EFCAB7: variants seen among roughly 807,000 people sequenced by gnomAD.
EFCAB7 encodes EF-hand calcium-binding domain-containing protein 7.
Under a neutral mutation model 77.1 loss-of-function variants are expected in EFCAB7, and 66 were observed. That is an observed-to-expected ratio of 0.86 (90% CI 0.70 to 1.05). The LOEUF (loss-of-function observed/expected upper bound fraction) is 1.05, where lower values mean the gene tolerates loss of function less well. EFCAB7 is among the 50% of genes least tolerant of loss of function. The pLI is 0.00. For synonymous variants in EFCAB7, 225 were observed against 243.3 expected, an observed-to-expected ratio of 0.92 and a Z score of 0.70; for missense variants, 638 against 730.5, an observed-to-expected ratio of 0.87 and a Z score of 1.46.
intron 5 of EFCAB7, among the ~76,000 whole-genome samples, 167 bp downstream of exon 5, chr1:63,533,816 T>C (rs1570387572): frequency 6.6e-6 from 1 of 152,152 alleles, no homozygotes. Context: ...TGAAGTAAAA[T>C]TTTATTATGG....
chr1:63,550,591 A>G (rs1646952490), intron 7 of EFCAB7: 2 of 151,986 alleles, frequency 1.3e-5, no homozygotes, highest in Admixed American at 6.6e-5. Context: ...GAATTGTGAA[A>G]ATGTTAATGT....
At chr1:63,540,199 C>G (rs996094908) in intron 6 of EFCAB7, among the ~76,000 whole-genome samples, 5 of 151,784 alleles carry the variant, frequency 3.3e-5, no homozygotes, top group African/African-American at 1.2e-4. Context: ...CCCATCTCTA[C>G]TAAAAATACA....
intron 11 of EFCAB7, 74 bp from the exon 12 acceptor site, chr1:63,568,236 T>G: frequency 7.7e-7 from 1 of 1,305,414 alleles, no homozygotes; most frequent in Admixed American, 2.5e-5. Flanking sequence ...GCATATCTTC[T>G]TATATGGTAA....
At chr1:63,535,537 G>A (rs2100878162) in intron 6 of EFCAB7, among the ~76,000 whole-genome samples, 1 of 151,984 alleles carries the variant, frequency 6.6e-6, no homozygotes, top group East Asian at 1.9e-4. Context: ...GATCTACCTG[G>A]GCTTGAATCT....
chr1:63,536,893 A>T (rs562650045), intron 6 of EFCAB7: 1 of 152,316 alleles, frequency 6.6e-6, no homozygotes, highest in South Asian at 2.1e-4. Flanking sequence ...TTAATTTTCC[A>T]GATACTTTAA....
At chr1:63,531,183 T>C (rs1282673733) in intron 2 of EFCAB7, among the ~76,000 whole-genome samples, 2 of 152,104 alleles carry the variant, frequency 1.3e-5, no homozygotes, top group East Asian at 3.9e-4. Context: ...TAGATAGTAC[T>C]TAAGTTCCCC....
chr1:63,552,752 A>G (rs1336360659), intron 8 of EFCAB7, among the ~76,000 whole-genome samples: 1 of 152,222 alleles, frequency 6.6e-6, no homozygotes, highest in African/African-American at 2.4e-5. Flanking sequence ...TTTAATCTTT[A>G]TATAGGCTCA....
At chr1:63,530,803 G>A (rs1159099176) in intron 2 of EFCAB7, among the ~76,000 whole-genome samples, 3 of 152,138 alleles carry the variant, frequency 2.0e-5, no homozygotes, top group Admixed American at 1.3e-4. Flanking sequence ...GAACATTTTA[G>A]ATATCGTGCC....
At position 63,561,816 on chromosome 1, in the gene EFCAB7, C is replaced by T; in HGVS notation, c.1456C>T (p.Leu486=). Residue 486 remains leucine, a synonymous_variant, in exon 11 of 14, where the codon CTA becomes TTA. Transcript: ENST00000371088. ...AGATCCTTGTGACCTTTGGGTAACT[C>T]TACACTCTATGGGCTACAATAAAGC... is the stretch of plus-strand genomic sequence containing the variant. The part of the protein sequence containing the change: ...EGDPCDLWVT[L]HSMGYNKALE... 6.2e-7 allele frequency: 1 copy of T among 1,606,622 alleles called. No individual in the cohort carries two copies.
chr1:63,550,864 GA>G (rs34631540), intron 7 of EFCAB7, among the ~76,000 whole-genome samples: 22,672 of 152,042 alleles, frequency 0.15, 2,197 homozygotes, highest in South Asian at 0.22. Context: ...AAGATTCCAA[GA>G]TTTTTGACCT....
At chr1:63,578,899 T>C in the EFCAB7 span, among the ~76,000 whole-genome samples, 1 of 152,180 alleles carries the variant, frequency 6.6e-6, no homozygotes, top group African/African-American at 2.4e-5. Context: ...AGTATTACAG[T>C]CTGTACCTGT....
At chr1:63,538,181 T>C (rs900276637) in intron 6 of EFCAB7, among the ~76,000 whole-genome samples, 5 of 152,188 alleles carry the variant, frequency 3.3e-5, no homozygotes, top group African/African-American at 1.2e-4. Context: ...CAAGCTATTA[T>C]TTTATTTCTG....
At chr1:63,543,837 T>A (rs757887083) in intron 6 of EFCAB7, among the ~76,000 whole-genome samples, 37 of 152,222 alleles carry the variant, frequency 2.4e-4, no homozygotes, top group Non-Finnish European at 4.1e-4. Flanking sequence ...AGCCTACTAA[T>A]AAAGTGAAAA....
Position 63,533,432 on chromosome 1 carries a change from C to T in EFCAB7, c.487-22C>T, listed in dbSNP as rs186494386. 1.7e-3 allele frequency: 2,626 copies of T among 1,587,006 alleles called. 53 individuals are homozygous for T. The African/African-American group carries it at 0.032, about 19-fold the overall frequency. ...AGTGTATGATTGAATGTTTTACCCA[C>T]TGGACTTTTTTTTTCCTGTAGTTTT... On this transcript the variant is annotated intron_variant, in intron 4 of 13. Transcript: ENST00000371088.
intron 4 of EFCAB7, 49 bp downstream of exon 4, chr1:63,532,805 GTT>G (rs767030873): frequency 6.8e-7 from 1 of 1,462,216 alleles, no homozygotes; most frequent in Non-Finnish European, 9.4e-7. Flanking sequence ...TTGGAAAAGT[GTT>G]TTTATTTTTC....
chr1:63,550,829 A>T (rs1022986366), intron 7 of EFCAB7, among the ~76,000 whole-genome samples: 2 of 151,578 alleles, frequency 1.3e-5, no homozygotes, highest in African/African-American at 4.8e-5. Flanking sequence ...TGGTCTTGGT[A>T]TGTGAGAAAA....
the EFCAB7 span, among the ~76,000 whole-genome samples, chr1:63,580,346 G>T: frequency 2.0e-5 from 3 of 151,914 alleles, no homozygotes; most frequent in Admixed American, 6.6e-5. Context: ...AATTGCTCTT[G>T]TACCTTTGTT....
chr1:63,532,615 A>G (rs1321037167), intron 3 of EFCAB7, 55 bp from the exon 4 acceptor site: 1 of 1,402,970 alleles, frequency 7.1e-7, no homozygotes, highest in Non-Finnish European at 9.8e-7. Context: ...TGTCCCCATG[A>G]ATAACAAAGG....
chr1:63,574,621 G>A (rs1441768430), downstream of EFCAB7, among the ~76,000 whole-genome samples: 19 of 152,152 alleles, frequency 1.2e-4, no homozygotes, highest in African/African-American at 4.1e-4. Context: ...TGTCTTGAGC[G>A]ATGGGATCTG....
Sources: allele counts gnomAD v4.1 joint callset (sites outside exome capture counted in the v4.1 genomes callset), GRCh38; gene constraint gnomAD v4.1.1; transcripts MANE v1.5; gene names NCBI Gene and HGNC (gene_info 2026-07-23, HGNC 2026-07-21).